PICALM: variants seen among roughly 807,000 people sequenced by gnomAD.
PICALM encodes phosphatidylinositol binding clathrin assembly protein, also known as phosphatidylinositol-binding clathrin assembly protein.
A neutral mutation model predicts 80.5 loss-of-function variants in PICALM; 40 were observed. The ratio of observed to expected loss-of-function variants is 0.50; its 90% CI spans 0.39 to 0.65. The LOEUF is 0.65. Among genes scored for constraint, PICALM ranks in the 30% least tolerant of loss-of-function variants. The probability of loss-of-function intolerance (pLI) is 0.00; values close to 1 mark genes in which losing one functional copy is unlikely to be tolerated. For synonymous variants in PICALM, 288 were observed against 260.3 expected (o/e 1.11, Z -1.02); for missense variants, 676 against 778.9 (o/e 0.87, Z 1.57).
intron 17 of PICALM, 83 bp from the exon 18 acceptor site, chr11:85,976,765 C>T (rs553678627): frequency 2.5e-6 from 2 of 793,266 alleles, no homozygotes; most frequent in Non-Finnish European, 4.4e-6. Flanking sequence ...GCTGTAGTTC[C>T]ACTAAAAAGA....
intron 14 of PICALM, among the ~76,000 whole-genome samples, chr11:85,982,566 T>A (rs886243483): frequency 3.4e-5 from 5 of 147,494 alleles, no homozygotes; most frequent in Admixed American, 6.8e-5. Context: ...TAGCTGGGAC[T>A]ACAGGCGCCC....
intron 19 of PICALM, among the ~76,000 whole-genome samples, chr11:85,965,807 G>T (rs796374840): frequency 0.01 from 795 of 79,154 alleles, 9 homozygotes; most frequent in African/African-American, 0.014. Context: ...TACCCATTTT[G>T]TTTTTTTGTT....
chr11:86,041,444 A>G (rs2095965488), intron 1 of PICALM, among the ~76,000 whole-genome samples: 2 of 152,192 alleles, frequency 1.3e-5, no homozygotes, highest in African/African-American at 4.8e-5. Context: ...GGAACACAGA[A>G]GAGATTTTTT....
chr11:86,007,158 G>A (rs1297832117), intron 8 of PICALM, among the ~76,000 whole-genome samples: 1 of 152,066 alleles, frequency 6.6e-6, no homozygotes, highest in Non-Finnish European at 1.5e-5. Context: ...CAGTCAAAGT[G>A]GAAGTTTAAA....
chr11:85,982,423 C>CTT lies in PICALM; in HGVS notation c.1517-422_1517-421dup, dbSNP rs59672357. On this transcript the variant is annotated intron_variant, in intron 14 of 19. Transcript: ENST00000393346. Reference sequence around the variant, plus strand: ...ACGTTAAGAAATAAGATTTTATAGACTTTTTTTTTTTTTTTGAGACGGAGT... The same window carrying CTT: ...ACGTTAAGAAATAAGATTTTATAGACTTTTTTTTTTTTTTTTTGAGACGGAGT... Among the ~76,000 whole-genome samples, 64 of 70,172 alleles carry CTT rather than the reference C, an allele frequency of 9.1e-4. 13 individuals are homozygous for CTT. Among genetic ancestry groups the CTT allele is most frequent in the South Asian group, 3.5e-3 (7 of 2,010 alleles). The allele number at this position is 70,172 out of a possible 152,430, so 46.0% of individuals were successfully genotyped here.
At chr11:86,008,601 CAG>C (rs2095325728) in intron 7 of PICALM, among the ~76,000 whole-genome samples, 1 of 151,094 alleles carries the variant, frequency 6.6e-6, no homozygotes, top group Admixed American at 6.6e-5. Flanking sequence ...GCCTGGGAAA[CAG>C]AGTGAGACTC....
intron 12 of PICALM, among the ~76,000 whole-genome samples, chr11:85,991,080 A>C (rs748986278): frequency 1.7e-4 from 26 of 152,188 alleles, no homozygotes; most frequent in Non-Finnish European, 3.5e-4. Flanking sequence ...TGATATAAAT[A>C]TGTATTATAT....
intron 1 of PICALM, among the ~76,000 whole-genome samples, chr11:86,055,172 A>G (rs1226765231): frequency 6.6e-6 from 1 of 151,888 alleles, no homozygotes; most frequent in Non-Finnish European, 1.5e-5. Context: ...TCTCTACTAA[A>G]ATACAAAATT....
chr11:86,020,684 A>C (rs981968204), intron 4 of PICALM, among the ~76,000 whole-genome samples: 7 of 152,232 alleles, frequency 4.6e-5, no homozygotes, highest in Admixed American at 4.6e-4. Flanking sequence ...ATCCACATAC[A>C]AAAGAATAAA....
chr11:86,008,119 T>C (rs1183294826), intron 7 of PICALM, among the ~76,000 whole-genome samples: 1 of 152,180 alleles, frequency 6.6e-6, no homozygotes, highest in East Asian at 1.9e-4. Context: ...AATCAGGATA[T>C]AACTGTCTTC....
intron 13 of PICALM, among the ~76,000 whole-genome samples, chr11:85,987,994 A>T (rs1421876556): frequency 2.6e-5 from 4 of 152,238 alleles, no homozygotes; most frequent in African/African-American, 9.6e-5. Context: ...ATACCATCAA[A>T]TGCCCTAATA....
intron 1 of PICALM, among the ~76,000 whole-genome samples, chr11:86,042,096 G>C (rs907426867): frequency 3.3e-5 from 5 of 152,052 alleles, no homozygotes; most frequent in African/African-American, 9.7e-5. Context: ...CTGTACAGAG[G>C]AACAACAGGA....
chr11:85,999,382 CA>C lies in PICALM; in HGVS notation c.1154+1260del, dbSNP rs1476263373. On this transcript the variant is annotated intron_variant, in intron 11 of 19. Coordinates refer to ENST00000393346, the MANE Select transcript of PICALM (RefSeq NM_007166.4). ...AAAATTTTTAGTATGTGACATAAAA[CA>C]TAGTGAAATTAGTTCTTTATCCAAT... Among the ~76,000 whole-genome samples the C allele has an allele frequency of 3.3e-5, 5 of 152,154 alleles. 1 individual carries two copies. The highest frequency in any genetic ancestry group is 2.0e-4 in the Admixed American group (3 of 15,282).
At chr11:85,997,254 ACAG>A (rs2094997202) in intron 11 of PICALM, among the ~76,000 whole-genome samples, 1 of 152,218 alleles carries the variant, frequency 6.6e-6, no homozygotes, top group African/African-American at 2.4e-5. Context: ...ACAAAATATC[ACAG>A]CAATTTTAAT....
chr11:85,977,632 G>A (rs898641683), intron 17 of PICALM, among the ~76,000 whole-genome samples: 2 of 152,138 alleles, frequency 1.3e-5, no homozygotes, highest in South Asian at 4.1e-4. Flanking sequence ...TTTAGTATTC[G>A]GGTGAGCGTG....
At chr11:86,043,247 T>C (rs933507782) in intron 1 of PICALM, among the ~76,000 whole-genome samples, 7 of 152,338 alleles carry the variant, frequency 4.6e-5, no homozygotes, top group Non-Finnish European at 8.8e-5. Context: ...GTTCTTAGCC[T>C]CCTTAAAACA....
chr11:86,065,271 C>A (rs1593556817), intron 1 of PICALM, among the ~76,000 whole-genome samples: 1 of 151,918 alleles, frequency 6.6e-6, no homozygotes, highest in Non-Finnish European at 1.5e-5. Flanking sequence ...CATGGTGAAA[C>A]CCCATCTCTA....
chr11:85,993,524 T>G (rs2094860484), intron 12 of PICALM, among the ~76,000 whole-genome samples: 1 of 152,112 alleles, frequency 6.6e-6, no homozygotes, highest in African/African-American at 2.4e-5. Flanking sequence ...CTGCAACCTC[T>G]GCTTCTCAGG....
At position 86,037,039 on chromosome 11, in the gene PICALM, A is replaced by G. The variant is rs184646801; in HGVS notation, c.131-5428T>C. 2.3e-3 allele frequency among the ~76,000 whole-genome samples: 340 copies of G among 150,954 alleles called. 2 individuals carry two copies. The highest frequency in any genetic ancestry group is 7.9e-3 in the African/African-American group (326 of 41,042). On this transcript the variant is annotated intron_variant, in intron 1 of 19. Coordinates refer to ENST00000393346, the MANE Select transcript of PICALM (RefSeq NM_007166.4). ...CGGCTCACTGCAACCTCCGCCTCCCAGGTTCAAGCGATTCTCCTGCCTCAG... is the reference window on the plus strand; with the variant it reads ...CGGCTCACTGCAACCTCCGCCTCCCGGGTTCAAGCGATTCTCCTGCCTCAG...
Sources: allele counts gnomAD v4.1 joint callset (sites outside exome capture counted in the v4.1 genomes callset), GRCh38; gene constraint gnomAD v4.1.1; transcripts MANE v1.5; gene names NCBI Gene and HGNC (gene_info 2026-07-23, HGNC 2026-07-21).